Variants in GCNT2 observed in about 807,000 individuals in gnomAD.
GCNT2 encodes the protein glucosaminyl (N-acetyl) transferase 2 (I blood group).
In GCNT2, 34 loss-of-function variants were observed where a neutral mutation model predicts 34.2. The observed-to-expected ratio is 1.00, with a 90% CI of 0.76 to 1.32. The LOEUF is 1.32. Among genes scored for constraint, GCNT2 ranks in the 40% most tolerant of loss-of-function variants. The pLI, the probability that GCNT2 is intolerant of heterozygous loss-of-function variation, is 0.00. For synonymous variants in GCNT2, 212 were observed against 188.0 expected (o/e 1.13, Z -1.04); for missense variants, 584 against 489.4 (o/e 1.19, Z -1.82).
intron 3 of GCNT2, among the ~76,000 whole-genome samples, chr6:10,538,431 A>AG (rs1388312644): frequency 1.6e-5 from 2 of 125,876 alleles, no homozygotes; most frequent in African/African-American, 4.2e-5. Context: ...AAAAAAAAAA[A>AG]AAAAAAATAT....
chr6:10,612,308 GATCA>G (rs751471124), intron 3 of GCNT2, among the ~76,000 whole-genome samples: 3 of 152,076 alleles, frequency 2.0e-5, no homozygotes, highest in Non-Finnish European at 4.4e-5. Flanking sequence ...TTTAACTTTA[GATCA>G]ATCATTCTTA....
At chr6:10,538,636 T>C (rs1006964623) in intron 3 of GCNT2, among the ~76,000 whole-genome samples, 9 of 151,174 alleles carry the variant, frequency 6.0e-5, no homozygotes, top group African/African-American at 2.2e-4. Flanking sequence ...TGATTTTGAC[T>C]TTTTTTTGAG....
intron 2 of GCNT2, 82 bp from the exon 3 acceptor site, chr6:10,528,549 C>A: frequency 2.9e-6 from 1 of 347,414 alleles, no homozygotes; most frequent in South Asian, 2.7e-5. Flanking sequence ...GAATGGTCAC[C>A]TCACCCACTT....
At chr6:10,533,477 G>A (rs775743821) in intron 3 of GCNT2, among the ~76,000 whole-genome samples, 1 of 151,438 alleles carries the variant, frequency 6.6e-6, no homozygotes, top group Non-Finnish European at 1.5e-5. Context: ...AAAAGAAGCA[G>A]ATAATATGAA....
chr6:10,526,127 A>G (rs1761172618), intron 1 of GCNT2, among the ~76,000 whole-genome samples: 1 of 152,228 alleles, frequency 6.6e-6, no homozygotes, highest in Non-Finnish European at 1.5e-5. Context: ...GAAAAGATTG[A>G]TTTTGTATGC....
intron 3 of GCNT2, among the ~76,000 whole-genome samples, chr6:10,571,255 GA>G (rs1763541058): frequency 1.3e-5 from 2 of 152,182 alleles, no homozygotes; most frequent in Admixed American, 6.5e-5. Flanking sequence ...CATACGGAAA[GA>G]AGATCTCTCA....
At chr6:10,522,793 C>G (rs1242826066) in intron 1 of GCNT2, among the ~76,000 whole-genome samples, 1 of 152,114 alleles carries the variant, frequency 6.6e-6, no homozygotes, top group South Asian at 2.1e-4. Context: ...AAAACTCCAT[C>G]CAGAAAGGTG....
At position 10,629,186 on chromosome 6, in the gene GCNT2, C is replaced by T. The variant is rs891917931; in HGVS notation, c.*2579C>T. The T allele has an allele frequency of 6.6e-6, 1 of 152,608 alleles. No homozygotes were observed. The highest frequency in any genetic ancestry group is 1.5e-5 in the Non-Finnish European group (1 of 68,038). The allele number at this position is 152,608 out of a possible 1,614,324, so 9.5% of individuals were successfully genotyped here. Reference sequence around the variant, plus strand: ...GAAATCTTTCTGGAATTGATGTTTACATGTCTGTTGTTGGTCATCTCTCCT... The same window carrying T: ...GAAATCTTTCTGGAATTGATGTTTATATGTCTGTTGTTGGTCATCTCTCCT... On this transcript the variant is annotated 3_prime_UTR_variant, in exon 5 of 5. Coordinates refer to ENST00000495262, the MANE Select transcript of GCNT2 (RefSeq NM_145649.5).
Position 10,529,889 on chromosome 6 carries a change from A to G in GCNT2, c.925+53A>G, listed in dbSNP as rs1007615401. ...TACGAATAAACACTGCATGGTCAAT[A>G]CTAAATAAGTTGCTTTGAAAAGAGT... is the stretch of plus-strand genomic sequence containing the variant. On this transcript the variant is annotated intron_variant, in intron 3 of 4. Coordinates refer to ENST00000495262, the MANE Select transcript of GCNT2 (RefSeq NM_145649.5). The G allele has an allele frequency of 3.7e-6, 5 of 1,357,282 alleles. No individual in the cohort carries two copies. The African/African-American group carries it at 7.1e-5, about 19-fold the overall frequency. The allele number at this position is 1,357,282 out of a possible 1,614,324, so 84.1% of individuals were successfully genotyped here.
At chr6:10,600,226 C>G (rs937762532) in intron 3 of GCNT2, among the ~76,000 whole-genome samples, 2 of 152,074 alleles carry the variant, frequency 1.3e-5, no homozygotes, top group Non-Finnish European at 2.9e-5. Flanking sequence ...ATTTGGGTTT[C>G]AATGACAGGA....
At chr6:10,559,584 A>G (rs1158304148) in intron 3 of GCNT2, among the ~76,000 whole-genome samples, 1 of 152,214 alleles carries the variant, frequency 6.6e-6, no homozygotes, top group Non-Finnish European at 1.5e-5. Flanking sequence ...CCACGCTGCT[A>G]GTGGGAATCT....
intron 1 of GCNT2, among the ~76,000 whole-genome samples, chr6:10,522,387 C>G (rs570316030): frequency 2.0e-5 from 3 of 152,262 alleles, no homozygotes; most frequent in Admixed American, 1.3e-4. Flanking sequence ...TTGCCAAACT[C>G]AAAGCTACTT....
chr6:10,602,700 T>A (rs913419520), intron 3 of GCNT2, among the ~76,000 whole-genome samples: 17 of 152,332 alleles, frequency 1.1e-4, no homozygotes, highest in African/African-American at 3.8e-4. Context: ...TGGCTGCTCG[T>A]ACATGGAATT....
intron 3 of GCNT2, among the ~76,000 whole-genome samples, chr6:10,563,947 G>A (rs1013755443): frequency 6.6e-6 from 1 of 151,768 alleles, no homozygotes; most frequent in South Asian, 2.1e-4. Flanking sequence ...TTGAATGATT[G>A]CAATTACTGC....
At chr6:10,617,606 G>C (rs960920359) in intron 3 of GCNT2, among the ~76,000 whole-genome samples, 7 of 152,294 alleles carry the variant, frequency 4.6e-5, no homozygotes, top group African/African-American at 1.7e-4. Flanking sequence ...CTGGGAATGC[G>C]GTCCAGTAGG....
chr6:10,608,645 G>A lies in GCNT2; in HGVS notation c.926-12706G>A, dbSNP rs557773878. Among the ~76,000 whole-genome samples the A allele has an allele frequency of 3.9e-5, 6 of 152,294 alleles. No individual in the cohort carries two copies. The South Asian group carries it at 1.0e-3, about 26-fold the overall frequency. ...AACCAGGAGTTCAAATCCAGCCTGC[G>A]CAATAGAGCAGAGACATTGTCTCTA... On this transcript the variant is annotated intron_variant, in intron 3 of 4. Coordinates refer to ENST00000495262, the MANE Select transcript of GCNT2 (RefSeq NM_145649.5).
In GCNT2 at chr6:10,626,524, A is replaced by G. The variant is rs772150782; in HGVS notation, c.1126A>G (p.Thr376Ala). 16 of 1,613,470 alleles carry G rather than the reference A, an allele frequency of 9.9e-6. No individual in the cohort carries two copies. Among genetic ancestry groups the G allele is most frequent in the Middle Eastern group, 1.6e-4 (1 of 6,062 alleles). The change falls in exon 5 of 5, where the codon ACT becomes GCT. Residue 376 changes from threonine to alanine, a missense_variant. Physicochemically the swap from Thr to Ala is moderately conservative, Grantham distance 58. Transcript: ENST00000495262. ...GTTTGAGCTTAATACCTACCCCCTT[A>G]CTGTGGAATGCCTAGAACTGAGGCA... is the stretch of plus-strand genomic sequence containing the variant. ...NKFELNTYPL[T>A]VECLELRHRE...
In GCNT2 at chr6:10,529,232, CG is replaced by C. The variant is rs2113507398; in HGVS notation, c.323del (p.Gly108AlafsTer33). 6.2e-7 allele frequency: 1 copy of C among 1,614,158 alleles called. No homozygotes were observed. The highest frequency in any genetic ancestry group is 2.2e-5 in the East Asian group (1 of 44,892). On this transcript the variant is annotated frameshift_variant, in exon 3 of 5. Coordinates refer to ENST00000495262, the MANE Select transcript of GCNT2 (RefSeq NM_145649.5). LOFTEE classifies it high-confidence loss of function. Reference protein sequence around the residue: ...AYTVTIHKDFGTFERLFRAIY... With the variant: ...AYTVTIHKDFXTFERLFRAIY... ...ACACAGTGACCATCCACAAAGACTTCGGCACTTTTGAGAGGCTCTTCAGGGC... is the reference window on the plus strand; with the variant it reads ...ACACAGTGACCATCCACAAAGACTTCGCACTTTTGAGAGGCTCTTCAGGGC...
At chr6:10,590,678 C>T (rs146873863) in intron 3 of GCNT2, among the ~76,000 whole-genome samples, 1,529 of 151,956 alleles carry the variant, frequency 0.01, 22 homozygotes, top group Non-Finnish European at 0.013. Context: ...CTCAGCCTCC[C>T]GAGTACATGG....
Sources: allele counts gnomAD v4.1 joint callset (sites outside exome capture counted in the v4.1 genomes callset), GRCh38; gene constraint gnomAD v4.1.1; transcripts MANE v1.5; gene names NCBI Gene and HGNC (gene_info 2026-07-23, HGNC 2026-07-21).